The following ERC2 variants were observed in gnomAD, a reference collection of about 807,000 sequenced individuals.
ERC2 encodes ERC protein 2.
In ERC2, 42 loss-of-function variants were observed where a neutral mutation model predicts 114.8. The ratio of observed to expected loss-of-function variants is 0.37; its 90% CI spans 0.29 to 0.47. The LOEUF (loss-of-function observed/expected upper bound fraction) is 0.47. Ranked by LOEUF, ERC2 falls within the 20% of genes least tolerant of loss-of-function variation. The pLI, the probability that ERC2 is intolerant of heterozygous loss-of-function variation, is 0.99. For missense variants in ERC2, 939 were observed against 1,150.7 expected, an observed-to-expected ratio of 0.82 and a Z score of 2.66; for synonymous variants, 454 against 425.5, an observed-to-expected ratio of 1.07 and a Z score of -0.82.
intron 12 of ERC2, among the ~76,000 whole-genome samples, chr3:55,976,895 C>A (rs13077670): frequency 0.26 from 39,793 of 152,100 alleles, 5,519 homozygotes; most frequent in Admixed American, 0.34. Context: ...CCAAAGTGAT[C>A]GTATGAGGAG....
At chr3:55,734,650 C>G in intron 15 of ERC2, 121 bp downstream of exon 15, 1 of 1,238,016 alleles carries the variant, frequency 8.1e-7, no homozygotes, top group Non-Finnish European at 1.1e-6. Context: ...GCACTCCTAC[C>G]TGGTTTTAGG....
intron 6 of ERC2, among the ~76,000 whole-genome samples, chr3:56,122,807 T>A (rs1180748562): frequency 1.3e-5 from 2 of 152,208 alleles, no homozygotes; most frequent in Non-Finnish European, 2.9e-5. Flanking sequence ...TGCCACTGCT[T>A]CTGCTGCTTT....
intron 17 of ERC2, among the ~76,000 whole-genome samples, chr3:55,539,768 A>T (rs528330762): frequency 2.6e-5 from 4 of 152,202 alleles, no homozygotes; most frequent in Non-Finnish European, 5.9e-5. Context: ...GTCCTGCAAT[A>T]AAAACAATAT....
chr3:56,159,747 A>G (rs1319421850), intron 4 of ERC2, among the ~76,000 whole-genome samples: 1 of 152,170 alleles, frequency 6.6e-6, no homozygotes, highest in Non-Finnish European at 1.5e-5. Flanking sequence ...TATAAGTGAG[A>G]ACGTGCAGTA....
chr3:55,704,531 T>C (rs1487555618), intron 15 of ERC2, among the ~76,000 whole-genome samples: 1 of 152,198 alleles, frequency 6.6e-6, no homozygotes, highest in Non-Finnish European at 1.5e-5. Flanking sequence ...TACTGTCTTG[T>C]TTCCACCTAA....
intron 5 of ERC2, among the ~76,000 whole-genome samples, chr3:56,146,758 C>G (rs537165542): frequency 6.6e-6 from 1 of 152,184 alleles, no homozygotes; most frequent in East Asian, 1.9e-4. Context: ...ACTCCCTATA[C>G]AGCTGGCAAA....
At chr3:56,088,479 GAC>G (rs1467938479) in intron 6 of ERC2, among the ~76,000 whole-genome samples, 2 of 152,144 alleles carry the variant, frequency 1.3e-5, no homozygotes, top group Non-Finnish European at 2.9e-5. Context: ...GGGAAAAAAT[GAC>G]AGAGGGCCAA....
At chr3:56,305,512 C>CACACACACACACA (rs2056162094) in intron 2 of ERC2, among the ~76,000 whole-genome samples, 4 of 144,338 alleles carry the variant, frequency 2.8e-5, no homozygotes, top group African/African-American at 1.0e-4. Context: ...ACTCTCTTAT[C>CACACACACACACA]CACACACACA....
intron 3 of ERC2, among the ~76,000 whole-genome samples, chr3:56,174,660 A>T (rs905244053): frequency 2.0e-5 from 3 of 152,188 alleles, no homozygotes; most frequent in East Asian, 1.9e-4. Flanking sequence ...CACCATTATC[A>T]TCTACTATCA....
intron 2 of ERC2, among the ~76,000 whole-genome samples, chr3:56,363,493 G>T (rs1244275535): frequency 6.6e-6 from 1 of 152,114 alleles, no homozygotes; most frequent in Non-Finnish European, 1.5e-5. Flanking sequence ...TTAGTGAAAA[G>T]GAGAATTTAT....
intron 14 of ERC2, among the ~76,000 whole-genome samples, chr3:55,813,276 A>G (rs2059791848): frequency 6.6e-6 from 1 of 152,202 alleles, no homozygotes; most frequent in Non-Finnish European, 1.5e-5. Context: ...TGGGCTATTT[A>G]AATTTGAATT....
intron 1 of ERC2, among the ~76,000 whole-genome samples, chr3:56,449,603 G>T (rs1243371855): frequency 6.6e-6 from 1 of 152,194 alleles, no homozygotes. Flanking sequence ...AGGAAAAGAG[G>T]AGCCTCAAAA....
chr3:56,269,849 T>C (rs946464467), intron 3 of ERC2, among the ~76,000 whole-genome samples: 1 of 152,198 alleles, frequency 6.6e-6, no homozygotes, highest in African/African-American at 2.4e-5. Context: ...TAATCAGTTT[T>C]GAAAGTGTTG....
intron 3 of ERC2, among the ~76,000 whole-genome samples, chr3:56,219,113 G>A (rs1357320979): frequency 1.3e-5 from 2 of 152,000 alleles, no homozygotes; most frequent in East Asian, 3.9e-4. Context: ...TTGTGCACAT[G>A]TACCCTAAAA....
At chr3:55,556,600 C>A (rs998283758) in intron 17 of ERC2, among the ~76,000 whole-genome samples, 1 of 152,206 alleles carries the variant, frequency 6.6e-6, no homozygotes, top group Non-Finnish European at 1.5e-5. Flanking sequence ...GGAAAGGCAC[C>A]TGCTCTTTGC....
chr3:55,646,202 C>T (rs1352094294), intron 17 of ERC2, among the ~76,000 whole-genome samples: 2 of 152,160 alleles, frequency 1.3e-5, no homozygotes, highest in African/African-American at 2.4e-5. Flanking sequence ...TCTTGCATAT[C>T]GGTTTGCAGA....
At chr3:55,765,279 T>A (rs1182755713) in intron 14 of ERC2, among the ~76,000 whole-genome samples, 1 of 152,238 alleles carries the variant, frequency 6.6e-6, no homozygotes, top group Non-Finnish European at 1.5e-5. Context: ...CCTACTTGAA[T>A]AAAAGGAGAC....
At chr3:55,734,403 GT>G (rs1445288581) in intron 15 of ERC2, among the ~76,000 whole-genome samples, 1 of 152,154 alleles carries the variant, frequency 6.6e-6, no homozygotes, top group Non-Finnish European at 1.5e-5. Flanking sequence ...AAGACGGAAG[GT>G]AACAGGTCCA....
intron 7 of ERC2, among the ~76,000 whole-genome samples, chr3:56,072,758 C>T (rs931742014): frequency 2.0e-5 from 3 of 152,116 alleles, no homozygotes; most frequent in African/African-American, 7.2e-5. Flanking sequence ...CACTATTTTT[C>T]AAATGACTGC....
Sources: gnomAD v4.1 joint callset for allele counts (sites outside exome capture counted in the v4.1 genomes callset) on GRCh38, gnomAD v4.1.1 for gene constraint, MANE v1.5 for transcripts, NCBI Gene and HGNC (gene_info 2026-07-23, HGNC 2026-07-21) for gene names.